Variants in CCK observed in about 807,000 individuals in gnomAD.
CCK encodes cholecystokinin triacontatriapeptide.
In CCK, 11 loss-of-function variants were observed where a neutral mutation model predicts 10.1. That is an observed-to-expected ratio of 1.09 (90% CI 0.69 to 1.81). The LOEUF is 1.81. Among genes scored for constraint, CCK ranks in the 40% most tolerant of loss-of-function variants. The pLI is 0.00. For missense variants in CCK, 137 were observed against 159.9 expected (o/e 0.86, Z 0.77); for synonymous variants, 83 against 71.9 (o/e 1.15, Z -0.78).
chr3:42,261,075 G>C (rs779458275), intron 4 of CCK, among the ~76,000 whole-genome samples: 5 of 152,170 alleles, frequency 3.3e-5, no homozygotes, highest in Non-Finnish European at 7.3e-5. Context: ...AAGCTTTGCT[G>C]GGCATGGGGG....
intron 4 of CCK, among the ~76,000 whole-genome samples, chr3:42,261,621 C>CTT (rs1031817673): frequency 9.9e-6 from 1 of 100,606 alleles, no homozygotes; most frequent in Admixed American, 9.8e-5. Flanking sequence ...TTTTTTTTTT[C>CTT]TTTTTTTTCC....
chr3:42,261,246 A>T (rs1666336057), intron 4 of CCK, among the ~76,000 whole-genome samples: 1 of 152,226 alleles, frequency 6.6e-6, no homozygotes, highest in African/African-American at 2.4e-5. Flanking sequence ...AGAATAATAT[A>T]TACTATAGTG....
intron 4 of CCK, among the ~76,000 whole-genome samples, chr3:42,261,667 C>T (rs993945097): frequency 2.0e-5 from 3 of 150,478 alleles, no homozygotes; most frequent in Non-Finnish European, 4.4e-5. Context: ...CAATTCGGCA[C>T]ATTTCAGGCC....
At chr3:42,261,510 G>C (rs911141868) in intron 4 of CCK, among the ~76,000 whole-genome samples, 44 of 152,262 alleles carry the variant, frequency 2.9e-4, no homozygotes, top group African/African-American at 1.0e-3. Context: ...AAGGGAGAGG[G>C]GGGCTGAGAA....
At chr3:42,262,459 A>T (rs1711229919) in intron 4 of CCK, among the ~76,000 whole-genome samples, 1 of 152,074 alleles carries the variant, frequency 6.6e-6, no homozygotes, top group Non-Finnish European at 1.5e-5. Flanking sequence ...ACCTCATGTG[A>T]TCCACCTGCC....
intron 4 of CCK, among the ~76,000 whole-genome samples, chr3:42,262,806 G>A (rs563360811): frequency 1.3e-3 from 193 of 152,292 alleles, no homozygotes; most frequent in Non-Finnish European, 2.3e-3. Flanking sequence ...TTGATGCTGA[G>A]AAAACTGACT....
Position 42,258,054 on chromosome 3 carries a change from G to A in CCK, c.*44C>T. ...TTGTTTTCTTATTCTGCCTCCTCTG[G>A]GTTGGGAGGTTGCTTCCCGTTGGGC... On this transcript the variant is annotated 3_prime_UTR_variant, in exon 5 of 5. Coordinates refer to ENST00000396169, the MANE Select transcript of CCK (RefSeq NM_000729.6). The A allele has an allele frequency of 6.3e-7, 1 of 1,583,676 alleles. No homozygotes were observed. The highest frequency in any genetic ancestry group is 8.6e-7 in the Non-Finnish European group (1 of 1,165,014).
chr3:42,263,624 T>C lies in CCK; in HGVS notation c.7A>G (p.Ser3Gly). 1 of 1,589,026 alleles carries C rather than the reference T, an allele frequency of 6.3e-7. No homozygotes were observed. The highest frequency in any genetic ancestry group is 1.8e-4 in the Middle Eastern group (1 of 5,622). MN[S>G]GVCLCVLMAV... is the part of the protein sequence containing the mutation. ...ATCAGCACGCACAGGCACACGCCGCTGTTCATGGCTGTAGCGAGCAAAGGA... is the reference window on the plus strand; with the variant it reads ...ATCAGCACGCACAGGCACACGCCGCCGTTCATGGCTGTAGCGAGCAAAGGA... The change falls in exon 4 of 5, where the codon AGC (serine) becomes GGC (glycine). Residue 3 changes from serine to glycine, a missense_variant. Coordinates refer to ENST00000396169, the MANE Select transcript of CCK (RefSeq NM_000729.6).
chr3:42,263,385 A>G (rs1306128719), intron 4 of CCK, 32 bp downstream of exon 4: 1 of 1,614,022 alleles, frequency 6.2e-7, no homozygotes, highest in Non-Finnish European at 8.5e-7. Flanking sequence ...GAACAAGGGC[A>G]GAAGTGAGGG....
At chr3:42,262,219 T>TTTC (rs1711226092) in intron 4 of CCK, among the ~76,000 whole-genome samples, 1 of 27,498 alleles carries the variant, frequency 3.6e-5, no homozygotes, top group Non-Finnish European at 6.1e-5. Context: ...GCTAAGTTCT[T>TTTC]TTTTTTTTTT....
At chr3:42,262,874 C>A (rs1471708539) in intron 4 of CCK, 2 of 170,068 alleles carry the variant, frequency 1.2e-5, no homozygotes, top group Non-Finnish European at 2.6e-5. Context: ...AAAACAAATA[C>A]CTCTCTTGTT....
In CCK at chr3:42,264,789, CTT is replaced by C. The variant is rs141465090; in HGVS notation, c.-97_-96del. 1 of 152,520 alleles carries C rather than the reference CTT, an allele frequency of 6.6e-6. No individual in the cohort carries two copies. Among genetic ancestry groups the C allele is most frequent in the East Asian group, 1.9e-4 (1 of 5,186 alleles). 9.4% of individuals were successfully genotyped at this position (152,520 alleles called of 1,614,324 possible). On this transcript the variant is annotated 5_prime_UTR_variant, in exon 3 of 5. The change abolishes the stop of an existing upstream ORF in the 5' untranslated region. Coordinates refer to ENST00000396169, the MANE Select transcript of CCK (RefSeq NM_000729.6). ...AGGGAGGACCAGCGGGCGGCTGTCT[CTT>C]AAATAGCCCCACCCGGCGGCGTCGG...
chr3:42,262,154 AAG>A (rs1477235215), intron 4 of CCK, among the ~76,000 whole-genome samples: 2 of 151,150 alleles, frequency 1.3e-5, no homozygotes, highest in African/African-American at 4.9e-5. Flanking sequence ...CCAGTTGGGT[AAG>A]AGAGCTTCAT....
At chr3:42,264,231 G>T (rs768308129) in intron 3 of CCK, among the ~76,000 whole-genome samples, 2 of 152,234 alleles carry the variant, frequency 1.3e-5, no homozygotes, top group Non-Finnish European at 2.9e-5. Flanking sequence ...TTTAAAATCA[G>T]AAATATGTGC....
intron 4 of CCK, among the ~76,000 whole-genome samples, chr3:42,259,388 ACT>A (rs935829981): frequency 3.9e-5 from 6 of 151,934 alleles, no homozygotes; most frequent in African/African-American, 9.7e-5. Flanking sequence ...CTACATAAAT[ACT>A]CTTTTAAAAA....
At position 42,258,207 on chromosome 3, in the gene CCK, A is replaced by G. The variant is rs1171577417; in HGVS notation, c.239T>C (p.Val80Ala). The G allele has an allele frequency of 6.2e-7, 1 of 1,614,026 alleles. No individual in the cohort carries two copies. Among genetic ancestry groups the G allele is most frequent in the African/African-American group, 1.3e-5 (1 of 74,936 alleles). The part of the protein sequence containing the change: ...RKAPSGRMSI[V>A]KNLQNLDPSH... Reference sequence around the variant, plus strand: ...GGGGTCCAGGTTCTGCAGGTTCTTAACGATGGACATTCGTCCAGAAGGAGC... The same window carrying G: ...GGGGTCCAGGTTCTGCAGGTTCTTAGCGATGGACATTCGTCCAGAAGGAGC... The change falls in exon 5 of 5, where the codon GTT becomes GCT. Residue 80 changes from valine (V) to alanine (A), a missense_variant. By Grantham distance (64) the Val-to-Ala change is moderately conservative. Coordinates refer to ENST00000396169, the MANE Select transcript of CCK (RefSeq NM_000729.6).
intron 4 of CCK, 106 bp downstream of exon 4, chr3:42,263,311 C>G (rs1271850406): frequency 1.3e-6 from 2 of 1,550,068 alleles, no homozygotes; most frequent in Non-Finnish European, 1.8e-6. Flanking sequence ...TGCTTGTTTC[C>G]TACCGAGAGA....
At chr3:42,263,715 G>A (rs1711250294) in intron 3 of CCK, 83 bp from the exon 4 acceptor site, 4 of 1,451,586 alleles carry the variant, frequency 2.8e-6, no homozygotes, top group Admixed American at 5.5e-5. Flanking sequence ...CCCAGAAGCG[G>A]GCTTAGGACA....
intron 4 of CCK, 113 bp downstream of exon 4, chr3:42,263,304 T>C (rs1711241116): frequency 1.1e-5 from 17 of 1,517,562 alleles, no homozygotes; most frequent in Non-Finnish European, 1.6e-5. Flanking sequence ...ATCATGTTGC[T>C]TGTTTCCTAC....
Sources: gnomAD v4.1 joint callset for allele counts (sites outside exome capture counted in the v4.1 genomes callset) on GRCh38, gnomAD v4.1.1 for gene constraint, MANE v1.5 for transcripts, NCBI Gene and HGNC (gene_info 2026-07-23, HGNC 2026-07-21) for gene names.